XKR9: variants seen among roughly 807,000 people sequenced by gnomAD.
XKR9 encodes the protein XK-related protein 9.
In XKR9, 32 loss-of-function variants were observed where a neutral mutation model predicts 32.0. That is an observed-to-expected ratio of 1.00 (90% CI 0.76 to 1.34). The LOEUF is 1.34. Ranked by LOEUF, XKR9 falls within the 40% of genes most tolerant of loss-of-function variation. The pLI, the probability that XKR9 is intolerant of heterozygous loss-of-function variation, is 0.00. For synonymous variants in XKR9, 168 were observed against 143.4 expected (o/e 1.17, Z -1.22); for missense variants, 546 against 429.7 (o/e 1.27, Z -2.39).
At chr8:70,951,049 GAGAGTTACATC>G in the XKR9 span, among the ~76,000 whole-genome samples, 1 of 152,124 alleles carries the variant, frequency 6.6e-6, no homozygotes, top group African/African-American at 2.4e-5. Flanking sequence ...GTGTCATTCA[GAGAGTTACATC>G]TATTATTCCT....
At chr8:71,050,788 A>G in the XKR9 span, among the ~76,000 whole-genome samples, 1 of 152,214 alleles carries the variant, frequency 6.6e-6, no homozygotes, top group Non-Finnish European at 1.5e-5. Flanking sequence ...ATTTGTTGAA[A>G]TAATAATAAT....
At chr8:70,705,541 C>G (rs1408417021) in intron 3 of XKR9, among the ~76,000 whole-genome samples, 5 of 151,770 alleles carry the variant, frequency 3.3e-5, no homozygotes, top group Non-Finnish European at 5.9e-5. Flanking sequence ...GAGGAATTAG[C>G]AAAGACAAAG....
the XKR9 span, among the ~76,000 whole-genome samples, chr8:70,806,292 A>C: frequency 1.3e-5 from 2 of 152,196 alleles, no homozygotes; most frequent in Non-Finnish European, 2.9e-5. Flanking sequence ...AAACTACACA[A>C]ACTCACAAAG....
At chr8:70,985,948 C>T in the XKR9 span, among the ~76,000 whole-genome samples, 9 of 152,064 alleles carry the variant, frequency 5.9e-5, no homozygotes, top group Admixed American at 1.3e-4. Context: ...GTATTTATAT[C>T]GAAGTCTAGT....
the XKR9 span, among the ~76,000 whole-genome samples, chr8:70,999,269 C>T: frequency 6.6e-6 from 1 of 152,140 alleles, no homozygotes; most frequent in Non-Finnish European, 1.5e-5. Context: ...TATTTATAGA[C>T]ACTCCAGCCC....
chr8:70,734,596 G>T lies in XKR9; in HGVS notation c.*172G>T. 1.1e-6 allele frequency: 1 copy of T among 908,654 alleles called. No homozygotes were observed. The highest frequency in any genetic ancestry group is 1.4e-6 in the Non-Finnish European group (1 of 700,686). The allele number at this position is 908,654 out of a possible 1,614,324, so 56.3% of individuals were successfully genotyped here. The stretch of plus-strand genomic sequence containing the variant: ...TATTTTTAAAATTAATTTCTCATTT[G>T]GTTTTGAAGATCTTGAGTACTCAGA... On this transcript the variant is annotated 3_prime_UTR_variant, in exon 5 of 5. Coordinates refer to ENST00000408926, the MANE Select transcript of XKR9 (RefSeq NM_001011720.2).
At chr8:70,895,821 CA>C in the XKR9 span, among the ~76,000 whole-genome samples, 2,151 of 63,784 alleles carry the variant, frequency 0.034, 49 homozygotes, top group African/African-American at 0.12. Flanking sequence ...CCTACCTCTA[CA>C]AAAAAAAAAA....
chr8:71,056,127 GC>G, the XKR9 span, among the ~76,000 whole-genome samples: 1 of 152,186 alleles, frequency 6.6e-6, no homozygotes, highest in Non-Finnish European at 1.5e-5. Context: ...TGGAAGTAGA[GC>G]CCCTTAGCCA....
the XKR9 span, among the ~76,000 whole-genome samples, chr8:70,879,484 T>C: frequency 6.6e-6 from 1 of 152,100 alleles, no homozygotes; most frequent in South Asian, 2.1e-4. Flanking sequence ...ATATCACCAC[T>C]GATCCCACAG....
the XKR9 span, among the ~76,000 whole-genome samples, chr8:71,052,550 G>A: frequency 1.3e-5 from 2 of 152,198 alleles, no homozygotes; most frequent in African/African-American, 4.8e-5. Context: ...TAGCCCATAG[G>A]AGGCATGATT....
chr8:70,718,191 C>T (rs1438840711), intron 4 of XKR9, among the ~76,000 whole-genome samples: 1 of 152,178 alleles, frequency 6.6e-6, no homozygotes, highest in Non-Finnish European at 1.5e-5. Context: ...CTATCTTCTT[C>T]AGAGCCCTCC....
chr8:70,842,073 C>G, the XKR9 span, among the ~76,000 whole-genome samples: 1 of 152,088 alleles, frequency 6.6e-6, no homozygotes, highest in Non-Finnish European at 1.5e-5. Flanking sequence ...TATCTCATTC[C>G]TACATTTATT....
the XKR9 span, among the ~76,000 whole-genome samples, chr8:70,997,319 A>C: frequency 2.5e-3 from 376 of 151,784 alleles, 3 homozygotes; most frequent in Non-Finnish European, 4.4e-3. Flanking sequence ...CAAAAAAAAA[A>C]CCAAAACCCC....
chr8:70,947,025 AGGCATAAG>A, the XKR9 span, among the ~76,000 whole-genome samples: 1 of 152,196 alleles, frequency 6.6e-6, no homozygotes, highest in East Asian at 1.9e-4. Context: ...CTAGAAATCT[AGGCATAAG>A]GCAGCATCGG....
Position 70,707,047 on chromosome 8 carries a change from T to C in XKR9, c.387T>C (p.Thr129=). Residue 129 remains threonine, a synonymous_variant, in exon 4 of 5, where the codon ACT becomes ACC. Transcript: ENST00000408926. ...ATAAAGAAGTTATAGATAGAGTGAC[T>C]GATTTGAGCATGCTCAGACTATTTG... ...DLHKEVIDRV[T]DLSMLRLFET... is the part of the protein sequence containing the mutation. 3 of 1,613,500 alleles carry C rather than the reference T, an allele frequency of 1.9e-6. No homozygotes were observed. Among genetic ancestry groups the C allele is most frequent in the Non-Finnish European group, 2.5e-6 (3 of 1,179,516 alleles).
chr8:71,050,234 G>GATATATATATATATATAT, the XKR9 span, among the ~76,000 whole-genome samples: 5 of 95,956 alleles, frequency 5.2e-5, no homozygotes, highest in Admixed American at 1.1e-4. Context: ...ATGCCTGGCA[G>GATATATATATATATATAT]AGATATATAT....
intron 4 of XKR9, among the ~76,000 whole-genome samples, chr8:70,723,749 C>T (rs1002389062): frequency 6.6e-6 from 1 of 152,152 alleles, no homozygotes; most frequent in Admixed American, 6.5e-5. Flanking sequence ...AGGTGTCTGT[C>T]AACCCCTGCT....
the XKR9 span, among the ~76,000 whole-genome samples, chr8:71,024,109 G>A: frequency 6.6e-6 from 1 of 152,210 alleles, no homozygotes. Context: ...GATGAGCAAG[G>A]AAGGGTGATC....
At chr8:70,670,176 T>G (rs1395103863) in intron 1 of XKR9, among the ~76,000 whole-genome samples, 1 of 152,186 alleles carries the variant, frequency 6.6e-6, no homozygotes, top group Non-Finnish European at 1.5e-5. Flanking sequence ...TGCTCCTACC[T>G]GCCTCGCACT....
Sources: gnomAD v4.1 joint callset for allele counts (sites outside exome capture counted in the v4.1 genomes callset) on GRCh38, gnomAD v4.1.1 for gene constraint, MANE v1.5 for transcripts, NCBI Gene and HGNC (gene_info 2026-07-23, HGNC 2026-07-21) for gene names.